The following DCC variants were observed in gnomAD, a reference collection of about 807,000 sequenced individuals.
DCC encodes the protein netrin receptor DCC.
DCC carries 58 observed loss-of-function variants against 172.5 expected under a neutral mutation model. The ratio of observed to expected loss-of-function variants is 0.34; its 90% confidence interval spans 0.27 to 0.42. DCC has a LOEUF of 0.42. DCC is among the 10% of genes least tolerant of loss of function. The pLI is 1.00. For synonymous variants in DCC, 709 were observed against 644.5 expected (o/e 1.10, Z -1.52); for missense variants, 1,740 against 1,791.0 (o/e 0.97, Z 0.51).
intron 2 of DCC, among the ~76,000 whole-genome samples, chr18:52,773,123 T>C (rs1433950939): frequency 2.0e-5 from 3 of 152,142 alleles, no homozygotes; most frequent in Admixed American, 2.0e-4. Context: ...TGCAAATAAC[T>C]TTGCAAAAGG....
At position 53,153,328 on chromosome 18, in the gene DCC, T is replaced by C. The variant is rs373710082; in HGVS notation, c.1262-4028T>C. On this transcript the variant is annotated intron_variant, in intron 7 of 28. Coordinates refer to ENST00000442544, the MANE Select transcript of DCC (RefSeq NM_005215.4). Reference sequence around the variant, plus strand: ...TGCTATCTATAATTTCAGATTGATATACTGATGAAGGAGGGATTTGTTATT... The same window carrying C: ...TGCTATCTATAATTTCAGATTGATACACTGATGAAGGAGGGATTTGTTATT... Among the ~76,000 whole-genome samples, 14 of 152,304 alleles carry C rather than the reference T, an allele frequency of 9.2e-5. 1 individual carries two copies. The East Asian group carries it at 2.5e-3, about 27-fold the overall frequency.
chr18:53,139,788 T>A (rs2043803208), intron 7 of DCC, among the ~76,000 whole-genome samples: 1 of 152,142 alleles, frequency 6.6e-6, no homozygotes, highest in African/African-American at 2.4e-5. Context: ...TTGCCACCTC[T>A]CCTTCTCCTG....
chr18:52,730,845 A>G (rs1251248588), intron 1 of DCC, among the ~76,000 whole-genome samples: 5 of 152,164 alleles, frequency 3.3e-5, no homozygotes, highest in African/African-American at 1.2e-4. Flanking sequence ...GGGAAATCAG[A>G]TAACGCAATA....
At chr18:52,485,907 A>G (rs927234894) in intron 1 of DCC, among the ~76,000 whole-genome samples, 3 of 152,160 alleles carry the variant, frequency 2.0e-5, no homozygotes, top group African/African-American at 7.2e-5. Flanking sequence ...CATAAATATC[A>G]TATAATTTTT....
rs562105219 is a variant in DCC at position 53,514,168 on chromosome 18, C to T, written c.4112-12449C>T. On this transcript the variant is annotated intron_variant, in intron 27 of 28. Coordinates refer to ENST00000442544, the MANE Select transcript of DCC (RefSeq NM_005215.4). Reference sequence around the variant, plus strand: ...AATCTCACTCAAAACCGCTCAACTACATGGAAACTGAACAACCTGCTCCTG... The same window carrying T: ...AATCTCACTCAAAACCGCTCAACTATATGGAAACTGAACAACCTGCTCCTG... Among the ~76,000 whole-genome samples, 824 of 152,292 alleles carry T rather than the reference C, an allele frequency of 5.4e-3. 5 individuals carry two copies. Among genetic ancestry groups the T allele is most frequent in the African/African-American group, 0.019 (778 of 41,554 alleles).
intron 1 of DCC, among the ~76,000 whole-genome samples, chr18:52,448,421 G>T (rs1420052581): frequency 6.6e-6 from 1 of 152,018 alleles, no homozygotes; most frequent in East Asian, 1.9e-4. Context: ...TATTAGAGTA[G>T]AATGTTAATG....
At chr18:53,026,198 A>G (rs2041953353) in intron 5 of DCC, among the ~76,000 whole-genome samples, 1 of 152,066 alleles carries the variant, frequency 6.6e-6, no homozygotes, top group African/African-American at 2.4e-5. Flanking sequence ...TCTTTATTTT[A>G]ATGTGTACTT....
At chr18:53,431,318 AGTT>A (rs1350034683) in intron 21 of DCC, among the ~76,000 whole-genome samples, 2 of 151,894 alleles carry the variant, frequency 1.3e-5, no homozygotes, top group Non-Finnish European at 2.9e-5. Flanking sequence ...AAAATTCCAA[AGTT>A]GTTAAGTGAA....
intron 3 of DCC, among the ~76,000 whole-genome samples, chr18:52,921,797 A>T (rs998782019): frequency 3.3e-5 from 5 of 150,670 alleles, no homozygotes; most frequent in East Asian, 3.9e-4. Context: ...GTCCTAGGTA[A>T]TTTTTTTTTC....
chr18:52,505,198 C>A (rs192308203), intron 1 of DCC, among the ~76,000 whole-genome samples: 47 of 144,088 alleles, frequency 3.3e-4, no homozygotes, highest in African/African-American at 1.1e-3. Flanking sequence ...CTGCCCCTAA[C>A]TGGATTTCAG....
At chr18:53,145,912 T>G (rs556988618) in intron 7 of DCC, among the ~76,000 whole-genome samples, 1 of 152,298 alleles carries the variant, frequency 6.6e-6, no homozygotes, top group South Asian at 2.1e-4. Flanking sequence ...TGGAAGAGAA[T>G]ATAGTCCTTT....
At chr18:52,388,504 C>T (rs1200517627) in intron 1 of DCC, among the ~76,000 whole-genome samples, 2 of 149,846 alleles carry the variant, frequency 1.3e-5, no homozygotes, top group Non-Finnish European at 2.9e-5. Flanking sequence ...TTTATAAGTG[C>T]CACTTTTTTT....
intron 2 of DCC, among the ~76,000 whole-genome samples, chr18:52,830,006 G>T (rs1388323287): frequency 7.9e-5 from 12 of 152,110 alleles, no homozygotes; most frequent in Non-Finnish European, 1.5e-5. Context: ...AAGCCTTAAA[G>T]ATTTCTGGAG....
intron 12 of DCC, among the ~76,000 whole-genome samples, chr18:53,278,680 G>A (rs563075392): frequency 1.3e-5 from 2 of 152,212 alleles, no homozygotes; most frequent in East Asian, 3.9e-4. Flanking sequence ...TTTCAGTTGA[G>A]AATTCAATTT....
At position 52,587,852 on chromosome 18, in the gene DCC, A is replaced by C. The variant is rs138645396; in HGVS notation, c.92-164202A>C. On this transcript the variant is annotated intron_variant, in intron 1 of 28. Transcript: ENST00000442544. ...ATCATGGGGAACTCCCCATGAGGCC[A>C]TTGGTACAGGCTGGGGATGAGAAGG... Among the ~76,000 whole-genome samples the C allele has an allele frequency of 5.8e-3, 886 of 152,256 alleles. 8 individuals carry two copies. Among genetic ancestry groups the C allele is most frequent in the African/African-American group, 0.02 (845 of 41,556 alleles).
At chr18:52,774,755 G>C (rs529390559) in intron 2 of DCC, among the ~76,000 whole-genome samples, 2 of 58,898 alleles carry the variant, frequency 3.4e-5, no homozygotes, top group Admixed American at 1.8e-4. Flanking sequence ...TGCCTGCTGG[G>C]AAAGGTTAAG....
At chr18:52,860,259 C>A (rs1403608880) in intron 2 of DCC, among the ~76,000 whole-genome samples, 1 of 152,212 alleles carries the variant, frequency 6.6e-6, no homozygotes, top group Non-Finnish European at 1.5e-5. Flanking sequence ...GTAGTTCATA[C>A]ATCAGCTGGC....
intron 7 of DCC, among the ~76,000 whole-genome samples, chr18:53,090,681 G>A (rs1374020787): frequency 2.7e-5 from 2 of 74,510 alleles, no homozygotes; most frequent in African/African-American, 9.1e-5. Context: ...GTGACAGAGC[G>A]AAACTCCGTC....
chr18:52,902,844 T>G (rs940884214), intron 2 of DCC, among the ~76,000 whole-genome samples: 1 of 152,194 alleles, frequency 6.6e-6, no homozygotes, highest in African/African-American at 2.4e-5. Flanking sequence ...AAGAAAAGAC[T>G]ATGCATCATG....
Sources: allele counts gnomAD v4.1 joint callset (sites outside exome capture counted in the v4.1 genomes callset), GRCh38; gene constraint gnomAD v4.1.1; transcripts MANE v1.5; gene names NCBI Gene and HGNC (gene_info 2026-07-23, HGNC 2026-07-21).